SPEF2: variants seen among roughly 807,000 people sequenced by gnomAD.
The protein encoded by SPEF2 is sperm flagella and cilia-associated protein 2.
A neutral mutation model predicts 224.6 loss-of-function variants in SPEF2; 187 were observed. The observed-to-expected ratio is 0.83, with a 90% CI of 0.74 to 0.94. The LOEUF (loss-of-function observed/expected upper bound fraction) is 0.94. SPEF2 is among the 40% of genes least tolerant of loss of function. The pLI is 0.00. For missense variants in SPEF2, 2,170 were observed against 2,135.6 expected (o/e 1.02, Z -0.32); for synonymous variants, 715 against 707.3 (o/e 1.01, Z -0.17).
chr5:35,740,163 C>T lies in SPEF2; in HGVS notation c.3226C>T (p.His1076Tyr), dbSNP rs768972615. 1.2e-6 allele frequency: 2 copies of T among 1,614,126 alleles called. No homozygotes were observed. The highest frequency in any genetic ancestry group is 2.2e-5 in the East Asian group (1 of 44,868). ...CCAGGAGTTTCTAAAGCGTCCGGAT[C>T]ACAAGCAAGATTTTGTAGCTCAATG... ...SFQEFLKRPD[H>Y]KQDFVAQWQA... Residue 1076 changes from histidine to tyrosine, a missense_variant, in exon 23 of 37, where the codon CAC becomes TAC. Physicochemically the swap from His to Tyr is moderately conservative, Grantham distance 83 (BLOSUM62 2). Coordinates refer to ENST00000356031, the MANE Select transcript of SPEF2 (RefSeq NM_024867.4).
At chr5:35,782,056 T>A (rs78751689) in intron 30 of SPEF2, among the ~76,000 whole-genome samples, 1 of 152,142 alleles carries the variant, frequency 6.6e-6, no homozygotes, top group Non-Finnish European at 1.5e-5. Context: ...CAAAGTATAC[T>A]CTGGCTTTTT....
chr5:35,670,301 C>A, intron 10 of SPEF2, 74 bp downstream of exon 10: 1 of 1,491,658 alleles, frequency 6.7e-7, no homozygotes, highest in South Asian at 1.4e-5. Context: ...TTGTGATATT[C>A]CTTATTTCAT....
At chr5:35,655,435 G>T (rs1202164096) in intron 7 of SPEF2, among the ~76,000 whole-genome samples, 1 of 152,240 alleles carries the variant, frequency 6.6e-6, no homozygotes, top group Non-Finnish European at 1.5e-5. Context: ...GTCTCCCAGA[G>T]CTTTCTGTTT....
chr5:35,751,042 T>TATATAC lies in SPEF2; in HGVS notation c.3331-2582_3331-2581insATATAC, dbSNP rs758436058. Among the ~76,000 whole-genome samples the TATATAC allele has an allele frequency of 3.7e-3, 116 of 31,314 alleles. 3 individuals carry two copies. Among genetic ancestry groups the TATATAC allele is most frequent in the African/African-American group, 9.0e-3 (104 of 11,536 alleles). The allele number at this position is 31,314 out of a possible 152,430, so 20.5% of individuals were successfully genotyped here. A position where few individuals can be genotyped will look rare whatever the true frequency, so the allele number is the denominator to read the frequency against. ...ATATATACGTATATATATACACATA[T>TATATAC]GTATATATATATACGTATATATATG... On this transcript the variant is annotated intron_variant, in intron 23 of 36. Transcript: ENST00000356031.
chr5:35,680,922 T>C (rs1196036926), intron 10 of SPEF2, among the ~76,000 whole-genome samples: 1 of 152,158 alleles, frequency 6.6e-6, no homozygotes, highest in Non-Finnish European at 1.5e-5. Context: ...TCTGAAGATA[T>C]CAATCTTGGT....
chr5:35,624,689 T>A (rs1743987341), intron 1 of SPEF2, among the ~76,000 whole-genome samples: 1 of 152,156 alleles, frequency 6.6e-6, no homozygotes, highest in Admixed American at 6.5e-5. Flanking sequence ...CAGGCTGGAG[T>A]GCAGTGGCGC....
intron 26 of SPEF2, among the ~76,000 whole-genome samples, chr5:35,767,393 T>TC (rs1262690294): frequency 6.6e-6 from 1 of 152,064 alleles, no homozygotes; most frequent in African/African-American, 2.4e-5. Flanking sequence ...CTGCTTTTTT[T>TC]CCCCTCTGTA....
At chr5:35,789,798 T>C in intron 30 of SPEF2, 1 of 702,310 alleles carries the variant, frequency 1.4e-6, no homozygotes, top group Non-Finnish European at 2.6e-6. Flanking sequence ...ATCTTGATTA[T>C]AGAATTTGGA....
intron 21 of SPEF2, among the ~76,000 whole-genome samples, chr5:35,728,869 C>T (rs116236007): frequency 0.028 from 4,222 of 151,776 alleles, 217 homozygotes; most frequent in African/African-American, 0.098. Context: ...AATATATATA[C>T]TAATATTAAT....
intron 26 of SPEF2, among the ~76,000 whole-genome samples, chr5:35,767,752 T>A (rs1752278105): frequency 6.6e-6 from 1 of 152,078 alleles, no homozygotes; most frequent in Non-Finnish European, 1.5e-5. Flanking sequence ...AAAATAAGTA[T>A]TAGATTTTTT....
chr5:35,785,858 A>G (rs1755040456), intron 30 of SPEF2, among the ~76,000 whole-genome samples: 1 of 151,722 alleles, frequency 6.6e-6, no homozygotes, highest in Non-Finnish European at 1.5e-5. Context: ...TGCTCCCTCA[A>G]TGTGTCATGC....
intron 28 of SPEF2, among the ~76,000 whole-genome samples, chr5:35,775,272 A>G (rs1753447163): frequency 6.6e-6 from 1 of 151,898 alleles, no homozygotes; most frequent in African/African-American, 2.4e-5. Flanking sequence ...AAAAAATGTG[A>G]TATTGGTGGT....
intron 10 of SPEF2, among the ~76,000 whole-genome samples, chr5:35,688,268 C>T (rs1029074881): frequency 1.3e-5 from 2 of 152,050 alleles, no homozygotes; most frequent in African/African-American, 4.8e-5. Context: ...TTTTGTTGCA[C>T]GGACTAGAAC....
At chr5:35,643,964 T>C (rs1258250334) in intron 3 of SPEF2, among the ~76,000 whole-genome samples, 1 of 151,960 alleles carries the variant, frequency 6.6e-6, no homozygotes, top group African/African-American at 2.4e-5. Context: ...TACTAAGGAG[T>C]GGCTAAGCAA....
chr5:35,636,842 G>C (rs879381129), intron 2 of SPEF2, among the ~76,000 whole-genome samples: 6 of 151,940 alleles, frequency 3.9e-5, no homozygotes, highest in Non-Finnish European at 7.4e-5. Flanking sequence ...TGGGTATGGT[G>C]GTGGGCACCT....
At chr5:35,630,711 AAG>A (rs1481433077) in intron 2 of SPEF2, among the ~76,000 whole-genome samples, 2 of 152,054 alleles carry the variant, frequency 1.3e-5, no homozygotes. Context: ...AAGAAAAAAA[AAG>A]AAATTTCTTC....
intron 10 of SPEF2, 151 bp downstream of exon 10, chr5:35,670,378 ACTT>A (rs1395184246): frequency 7.2e-7 from 1 of 1,385,660 alleles, no homozygotes; most frequent in African/African-American, 1.5e-5. Context: ...TGTTTGTACT[ACTT>A]TTTAGATGCT....
At chr5:35,682,783 TC>T (rs1753016812) in intron 10 of SPEF2, among the ~76,000 whole-genome samples, 1 of 152,184 alleles carries the variant, frequency 6.6e-6, no homozygotes, top group South Asian at 2.1e-4. Flanking sequence ...AAGCCAGCTC[TC>T]CCCACTTTTT....
At chr5:35,659,267 CGTG>C in intron 8 of SPEF2, 60 bp downstream of exon 8, 1 of 1,464,446 alleles carries the variant, frequency 6.8e-7, no homozygotes, top group Non-Finnish European at 9.1e-7. Flanking sequence ...TCTACCAAGT[CGTG>C]GTAAACAAAG....
Sources: allele counts gnomAD v4.1 joint callset (sites outside exome capture counted in the v4.1 genomes callset), GRCh38; gene constraint gnomAD v4.1.1; transcripts MANE v1.5; gene names NCBI Gene and HGNC (gene_info 2026-07-23, HGNC 2026-07-21).